ZSWIM6: variants seen among roughly 807,000 people sequenced by gnomAD.
The protein encoded by ZSWIM6 is zinc finger SWIM-type containing 6, also known as zinc finger SWIM domain-containing protein 6.
A neutral mutation model predicts 113.2 loss-of-function variants in ZSWIM6; 9 were observed. The ratio of observed to expected loss-of-function variants is 0.08; its 90% CI spans 0.05 to 0.14. The LOEUF (loss-of-function observed/expected upper bound fraction) is 0.14. Among genes scored for constraint, ZSWIM6 ranks in the 10% least tolerant of loss-of-function variants. The pLI, the probability that ZSWIM6 is intolerant of heterozygous loss-of-function variation, is 1.00. For missense variants in ZSWIM6, 1,162 were observed against 1,552.2 expected, an observed-to-expected ratio of 0.75 and a Z score of 4.22; for synonymous variants, 611 against 606.5, an observed-to-expected ratio of 1.01 and a Z score of -0.11.
At chr5:61,487,267 T>C (rs959673974) in intron 2 of ZSWIM6, among the ~76,000 whole-genome samples, 7 of 152,148 alleles carry the variant, frequency 4.6e-5, no homozygotes, top group African/African-American at 1.7e-4. Context: ...ATTTTTATAC[T>C]AGCACCAGGC....
intron 1 of ZSWIM6, among the ~76,000 whole-genome samples, chr5:61,434,224 A>G (rs897721974): frequency 1.3e-5 from 2 of 148,228 alleles, no homozygotes; most frequent in Admixed American, 6.8e-5. Flanking sequence ...AAAAATATGT[A>G]TAATACATAT....
At chr5:61,460,369 C>G (rs1049159425) in intron 1 of ZSWIM6, among the ~76,000 whole-genome samples, 1 of 152,088 alleles carries the variant, frequency 6.6e-6, no homozygotes, top group Non-Finnish European at 1.5e-5. Flanking sequence ...AAATAGAGCT[C>G]ATTAGGTGTC....
chr5:61,490,097 A>C (rs1182290730), intron 2 of ZSWIM6, among the ~76,000 whole-genome samples: 3 of 151,992 alleles, frequency 2.0e-5, no homozygotes, highest in Non-Finnish European at 4.4e-5. Context: ...AACAATCTTT[A>C]CCTCCCTAAA....
At chr5:61,479,354 T>C (rs1224435300) in intron 2 of ZSWIM6, among the ~76,000 whole-genome samples, 1 of 152,124 alleles carries the variant, frequency 6.6e-6, no homozygotes, top group Non-Finnish European at 1.5e-5. Context: ...CTCTAGCCCA[T>C]GAGGAATTTG....
chr5:61,341,725 T>C (rs1275150632), intron 1 of ZSWIM6, among the ~76,000 whole-genome samples: 1 of 152,188 alleles, frequency 6.6e-6, no homozygotes, highest in Non-Finnish European at 1.5e-5. Flanking sequence ...ACCAGGTTTT[T>C]AAAATATAAT....
chr5:61,429,713 G>C (rs1422694614), intron 1 of ZSWIM6, among the ~76,000 whole-genome samples: 1 of 152,174 alleles, frequency 6.6e-6, no homozygotes, highest in Admixed American at 6.5e-5. Flanking sequence ...ATGTGTGTGT[G>C]TATTGTAGTG....
At chr5:61,498,921 G>T (rs1748389608) in intron 4 of ZSWIM6, among the ~76,000 whole-genome samples, 1 of 152,098 alleles carries the variant, frequency 6.6e-6, no homozygotes. Flanking sequence ...ATCTTTGAAA[G>T]CAGTAGGCTT....
intron 12 of ZSWIM6, 122 bp downstream of exon 12, chr5:61,539,881 G>A: frequency 1.0e-6 from 1 of 973,166 alleles, no homozygotes; most frequent in South Asian, 1.8e-5. Context: ...GTACAAATCT[G>A]TTAGACTTCA....
intron 1 of ZSWIM6, chr5:61,375,845 A>G: frequency 1.0e-6 from 1 of 967,814 alleles, no homozygotes; most frequent in Non-Finnish European, 1.6e-6. Flanking sequence ...TCAAGTCCTG[A>G]CTCACCGTAA....
chr5:61,525,514 A>G (rs1291730315), intron 5 of ZSWIM6, among the ~76,000 whole-genome samples: 3 of 152,164 alleles, frequency 2.0e-5, no homozygotes, highest in Non-Finnish European at 4.4e-5. Context: ...TGTATTTGGC[A>G]TGGAAACTAG....
intron 1 of ZSWIM6, among the ~76,000 whole-genome samples, chr5:61,355,150 A>G (rs1166782039): frequency 6.6e-6 from 1 of 152,112 alleles, no homozygotes; most frequent in Non-Finnish European, 1.5e-5. Context: ...TGATGGGGTT[A>G]TATCAGTTTC....
rs1744263423 is a variant in ZSWIM6, at chr5:61,332,283, G to A, written c.11G>A (p.Arg4His). The A allele has an allele frequency of 8.6e-6, 10 of 1,165,824 alleles. No individual in the cohort carries two copies. The highest frequency in any genetic ancestry group is 1.1e-5 in the Non-Finnish European group (10 of 944,088). The allele number at this position is 1,165,824 out of a possible 1,614,324, so 72.2% of individuals were successfully genotyped here. The part of the protein sequence containing the change: MAE[R>H]GQQPPPAKRL... ...AGAAGCGGCGCGGTCATGGCGGAGC[G>A]CGGACAGCAGCCTCCTCCCGCGAAA... The change falls in exon 1 of 14, where the codon CGC (arginine) becomes CAC (histidine). Residue 4 changes from arginine (R) to histidine (H), a missense_variant. Transcript: ENST00000252744.
chr5:61,342,991 AAG>A, intron 1 of ZSWIM6, among the ~76,000 whole-genome samples: 1 of 152,184 alleles, frequency 6.6e-6, no homozygotes, highest in East Asian at 1.9e-4. Flanking sequence ...TAAGTTTTGA[AAG>A]AGAAATTAAC....
chr5:61,533,972 G>A (rs985093553), intron 9 of ZSWIM6, among the ~76,000 whole-genome samples: 6 of 152,150 alleles, frequency 3.9e-5, no homozygotes, highest in Admixed American at 2.6e-4. Flanking sequence ...AAGCTCTCTA[G>A]TGTCTCTTCT....
At chr5:61,486,522 G>A (rs1748026612) in intron 2 of ZSWIM6, among the ~76,000 whole-genome samples, 1 of 152,094 alleles carries the variant, frequency 6.6e-6, no homozygotes, top group Non-Finnish European at 1.5e-5. Flanking sequence ...TCTCCATACT[G>A]TTTTCCATAG....
Position 61,390,212 on chromosome 5 carries a change from A to G in ZSWIM6, c.676+57264A>G, listed in dbSNP as rs545319167. Among the ~76,000 whole-genome samples, 9 of 152,286 alleles carry G rather than the reference A, an allele frequency of 5.9e-5. No individual in the cohort carries two copies. In the East Asian group the frequency reaches 1.5e-3, roughly 26 times the overall value. On this transcript the variant is annotated intron_variant, in intron 1 of 13. Transcript: ENST00000252744. ...TTGTGACATTTCAGAGTAATCTACC[A>G]TATTTGTTTTTTAAAGTTCATTTTT...
chr5:61,375,140 A>G (rs1401700573), intron 1 of ZSWIM6: 11 of 1,611,984 alleles, frequency 6.8e-6, no homozygotes, highest in Middle Eastern at 1.6e-4. Context: ...CGGGTGGCCT[A>G]TATGAACCCA....
intron 1 of ZSWIM6, among the ~76,000 whole-genome samples, chr5:61,438,981 G>A (rs1414234179): frequency 6.6e-6 from 1 of 152,190 alleles, no homozygotes; most frequent in Non-Finnish European, 1.5e-5. Context: ...CCAGGAGTCT[G>A]GCAGCTATAT....
chr5:61,525,763 A>G (rs1404824749), intron 5 of ZSWIM6, 37 bp from the exon 6 acceptor site: 12 of 1,549,564 alleles, frequency 7.7e-6, no homozygotes. Flanking sequence ...CATGTGAATA[A>G]TAGCTGACAC....
Sources: allele counts gnomAD v4.1 joint callset (sites outside exome capture counted in the v4.1 genomes callset), GRCh38; gene constraint gnomAD v4.1.1; transcripts MANE v1.5; gene names NCBI Gene and HGNC (gene_info 2026-07-23, HGNC 2026-07-21).